The following RCAN2 variants were observed in gnomAD, a reference collection of about 807,000 sequenced individuals.
RCAN2 encodes the protein calcipressin-2.
A neutral mutation model predicts 23.6 loss-of-function variants in RCAN2; 9 were observed. The ratio of observed to expected loss-of-function variants is 0.38; its 90% confidence interval spans 0.23 to 0.67. The LOEUF (loss-of-function observed/expected upper bound fraction) is 0.67. Among genes scored for constraint, RCAN2 ranks in the 30% least tolerant of loss-of-function variants. The pLI is 0.51. For synonymous variants in RCAN2, 109 were observed against 115.7 expected, an observed-to-expected ratio of 0.94 and a Z score of 0.37; for missense variants, 273 against 302.3, an observed-to-expected ratio of 0.90 and a Z score of 0.72.
intron 2 of RCAN2, among the ~76,000 whole-genome samples, chr6:46,268,161 C>T (rs1324767786): frequency 2.0e-5 from 3 of 152,196 alleles, no homozygotes; most frequent in Non-Finnish European, 4.4e-5. Context: ...ATTTTATTCA[C>T]TTCATTAACG....
intron 4 of RCAN2, among the ~76,000 whole-genome samples, chr6:46,230,582 C>T (rs1765849260): frequency 6.6e-6 from 1 of 152,210 alleles, no homozygotes; most frequent in African/African-American, 2.4e-5. Context: ...AAGCCAGGCA[C>T]AGGATATAAT....
At chr6:46,341,415 T>TA (rs922426790) in intron 2 of RCAN2, among the ~76,000 whole-genome samples, 1 of 151,982 alleles carries the variant, frequency 6.6e-6, no homozygotes, top group South Asian at 2.1e-4. Flanking sequence ...ATAAAAATCA[T>TA]AAAAAAATCA....
At chr6:46,477,149 C>G (rs946820088) in intron 1 of RCAN2, among the ~76,000 whole-genome samples, 1 of 152,122 alleles carries the variant, frequency 6.6e-6, no homozygotes. Context: ...TCTGGCTGTT[C>G]ATCATGTCCT....
chr6:46,478,051 G>A (rs370031369), intron 1 of RCAN2, among the ~76,000 whole-genome samples: 1 of 152,074 alleles, frequency 6.6e-6, no homozygotes, highest in African/African-American at 2.4e-5. Flanking sequence ...AACTACCATC[G>A]GTCATTTTCA....
chr6:46,304,967 A>G (rs1478421866), intron 2 of RCAN2, among the ~76,000 whole-genome samples: 1 of 152,164 alleles, frequency 6.6e-6, no homozygotes, highest in Non-Finnish European at 1.5e-5. Context: ...ACTCAAATAA[A>G]TAGAATTATC....
intron 2 of RCAN2, among the ~76,000 whole-genome samples, chr6:46,367,433 C>T (rs1765207687): frequency 6.6e-6 from 1 of 152,014 alleles, no homozygotes; most frequent in African/African-American, 2.4e-5. Flanking sequence ...AAGATGTTGA[C>T]CTATTTAGAA....
At chr6:46,448,829 C>T (rs1005118637) in intron 2 of RCAN2, among the ~76,000 whole-genome samples, 1 of 151,738 alleles carries the variant, frequency 6.6e-6, no homozygotes, top group Non-Finnish European at 1.5e-5. Context: ...GAATGTACTT[C>T]AATATAACAA....
chr6:46,401,174 T>C lies in RCAN2; in HGVS notation c.225+55578A>G, dbSNP rs371679519. Among the ~76,000 whole-genome samples, 191 of 152,300 alleles carry C rather than the reference T, an allele frequency of 1.3e-3. 3 individuals carry two copies. The South Asian group carries it at 0.037, about 30-fold the overall frequency. On this transcript the variant is annotated intron_variant, in intron 2 of 4. Coordinates refer to ENST00000371374, the MANE Select transcript of RCAN2 (RefSeq NM_001251974.2). ...TCTGGGAAAGTTACTGCTTCTTCTG[T>C]TCACTCACAAAACTCTTCCCTGGAG...
In RCAN2 at chr6:46,458,895, A is replaced by ACGCG. The variant is rs1164915739; in HGVS notation, c.-2-1918_-2-1917insCGCG. ...ATAGTTTACAGGAAAACGCGCGCGC[A>ACGCG]CGTGTGTGTGTGTGTGATGGAGTTT... On this transcript the variant is annotated intron_variant, in intron 1 of 4. Transcript: ENST00000371374. Among the ~76,000 whole-genome samples, 545 of 73,924 alleles carry ACGCG rather than the reference A, an allele frequency of 7.4e-3. 3 individuals are homozygous for ACGCG. The highest frequency in any genetic ancestry group is 0.013 in the African/African-American group (473 of 36,470). The allele number at this position is 73,924 out of a possible 152,430, so 48.5% of individuals were successfully genotyped here.
intron 2 of RCAN2, among the ~76,000 whole-genome samples, chr6:46,287,028 G>T (rs982216291): frequency 6.6e-6 from 1 of 151,858 alleles, no homozygotes. Context: ...GAAAGAAAGA[G>T]CACTTCAATA....
intron 2 of RCAN2, among the ~76,000 whole-genome samples, chr6:46,398,165 A>G (rs1373376488): frequency 6.6e-6 from 1 of 152,210 alleles, no homozygotes; most frequent in Non-Finnish European, 1.5e-5. Context: ...ATACAAATAT[A>G]TATGTATGCA....
At chr6:46,261,504 C>T (rs4714907) in intron 2 of RCAN2, among the ~76,000 whole-genome samples, 117,865 of 152,140 alleles carry the variant, frequency 0.77, 45,981 homozygotes, top group Non-Finnish European at 0.81. Flanking sequence ...TGAGCTATTA[C>T]TAATCCCAGA....
intron 2 of RCAN2, among the ~76,000 whole-genome samples, chr6:46,332,564 G>C (rs1231588693): frequency 6.7e-6 from 1 of 150,068 alleles, no homozygotes; most frequent in African/African-American, 2.5e-5. Flanking sequence ...GCAGTGTTTG[G>C]TTTTTTGTTC....
At chr6:46,233,363 T>C (rs140804385) in intron 4 of RCAN2, among the ~76,000 whole-genome samples, 7 of 152,358 alleles carry the variant, frequency 4.6e-5, no homozygotes, top group African/African-American at 1.7e-4. Context: ...CTTGTTTTTA[T>C]GTATAGAATT....
intron 2 of RCAN2, among the ~76,000 whole-genome samples, chr6:46,293,470 G>A (rs1561846231): frequency 6.6e-6 from 1 of 152,128 alleles, no homozygotes; most frequent in Non-Finnish European, 1.5e-5. Context: ...AGCTTTAATA[G>A]ATTAGCAAAA....
intron 2 of RCAN2, among the ~76,000 whole-genome samples, chr6:46,395,982 C>T (rs1376093331): frequency 2.6e-5 from 4 of 152,168 alleles, no homozygotes; most frequent in Non-Finnish European, 4.4e-5. Flanking sequence ...CTGCACGTCA[C>T]ACATTTCCTA....
intron 2 of RCAN2, among the ~76,000 whole-genome samples, chr6:46,394,623 T>G (rs1299028409): frequency 6.6e-6 from 1 of 152,178 alleles, no homozygotes; most frequent in Admixed American, 6.5e-5. Context: ...AAAAAGTAGA[T>G]TACCTAGGAC....
intron 2 of RCAN2, among the ~76,000 whole-genome samples, chr6:46,371,271 T>TA (rs1288414831): frequency 2.0e-5 from 3 of 152,194 alleles, no homozygotes; most frequent in South Asian, 2.1e-4. Context: ...GAATTCCCAC[T>TA]AAAAAATGGT....
intron 2 of RCAN2, among the ~76,000 whole-genome samples, chr6:46,408,227 G>A (rs1333608899): frequency 6.6e-6 from 1 of 152,114 alleles, no homozygotes; most frequent in Non-Finnish European, 1.5e-5. Context: ...CGACTGTTCA[G>A]CTCTACATAA....
Sources: allele counts gnomAD v4.1 joint callset (sites outside exome capture counted in the v4.1 genomes callset), GRCh38; gene constraint gnomAD v4.1.1; transcripts MANE v1.5; gene names NCBI Gene and HGNC (gene_info 2026-07-23, HGNC 2026-07-21).